CC2D2A: variants seen among roughly 807,000 people sequenced by gnomAD.
The protein encoded by CC2D2A is coiled-coil and C2 domain containing 2A.
In CC2D2A, 155 loss-of-function variants were observed where a neutral mutation model predicts 212.9. The observed-to-expected ratio is 0.73, with a 90% CI of 0.64 to 0.83. The LOEUF is 0.83. Among genes scored for constraint, CC2D2A ranks in the 40% least tolerant of loss-of-function variants. The pLI is 0.00. For synonymous variants in CC2D2A, 667 were observed against 686.5 expected (o/e 0.97, Z 0.44); for missense variants, 1,856 against 1,956.2 (o/e 0.95, Z 0.97).
intron 34 of CC2D2A, among the ~76,000 whole-genome samples, chr4:15,596,956 G>T (rs1721347936): frequency 2.0e-5 from 3 of 152,192 alleles, no homozygotes; most frequent in Non-Finnish European, 2.9e-5. Flanking sequence ...AAGGGAGAAA[G>T]CACAAGTTGC....
chr4:15,597,403 A>C lies in CC2D2A; in HGVS notation c.4438-4A>C. ...TACTTTCTGAACTATTTTCTCTTCT[A>C]TAGCCTGAAGAGCTAATTTACCAGC... On this transcript the variant is annotated splice_region_variant and splice_polypyrimidine_tract_variant and intron_variant, in intron 34 of 36. Coordinates refer to ENST00000424120, the MANE Select transcript of CC2D2A (RefSeq NM_001378615.1). 1 of 1,548,770 alleles carries C rather than the reference A, an allele frequency of 6.5e-7. No homozygotes were observed. The highest frequency in any genetic ancestry group is 8.7e-7 in the Non-Finnish European group (1 of 1,144,374).
chr4:15,566,942 T>C (rs1719908453), intron 24 of CC2D2A, among the ~76,000 whole-genome samples: 1 of 151,746 alleles, frequency 6.6e-6, no homozygotes, highest in Admixed American at 6.6e-5. Context: ...GCCACTGCAC[T>C]CCAGCCTGGG....
rs6836616 is a variant in CC2D2A at position 15,481,044 on chromosome 4, A to C, written c.247+217A>C. The stretch of plus-strand genomic sequence containing the variant: ...TGTGTTTCTATAACCACATAATATT[A>C]TTTGGATGTTTGTCCCCTCCAAATC... On this transcript the variant is annotated intron_variant, in intron 4 of 36. Transcript: ENST00000424120. Among the ~76,000 whole-genome samples the C allele has an allele frequency of 0.17, 25,997 of 152,006 alleles. 4,482 individuals are homozygous for C. The highest frequency in any genetic ancestry group is 0.43 in the African/African-American group (17,673 of 41,410).
chr4:15,564,027 G>A (rs181892290), intron 24 of CC2D2A: 1 of 159,740 alleles, frequency 6.3e-6, no homozygotes, highest in Admixed American at 6.0e-5. Context: ...AGAGAAGTGG[G>A]TATGAGCTGG....
At chr4:15,586,367 A>G in intron 31 of CC2D2A, 121 bp downstream of exon 31, 1 of 556,638 alleles carries the variant, frequency 1.8e-6, no homozygotes, top group African/African-American at 1.9e-5. Context: ...TTGGCTGTTT[A>G]GTAATATGAG....
intron 17 of CC2D2A, among the ~76,000 whole-genome samples, chr4:15,541,379 T>C (rs1381906241): frequency 6.6e-6 from 1 of 152,088 alleles, no homozygotes; most frequent in Admixed American, 6.5e-5. Context: ...AATTTTTTGT[T>C]CATTACAGCT....
intron 1 of CC2D2A, among the ~76,000 whole-genome samples, chr4:15,472,469 A>G (rs1202837090): frequency 6.6e-6 from 1 of 152,240 alleles, no homozygotes; most frequent in Non-Finnish European, 1.5e-5. Flanking sequence ...CATATAAAAA[A>G]TAAATTTCGG....
At chr4:15,529,567 A>G (rs1717706510) in intron 13 of CC2D2A, among the ~76,000 whole-genome samples, 1 of 152,094 alleles carries the variant, frequency 6.6e-6, no homozygotes, top group African/African-American at 2.4e-5. Context: ...TTTATATACA[A>G]TGCATCTTAG....
intron 11 of CC2D2A, among the ~76,000 whole-genome samples, chr4:15,524,766 C>G (rs1242868978): frequency 6.6e-6 from 1 of 151,906 alleles, no homozygotes; most frequent in African/African-American, 2.4e-5. Flanking sequence ...TTTTTTTTCT[C>G]CTTTGGTATG....
intron 16 of CC2D2A, among the ~76,000 whole-genome samples, chr4:15,539,972 A>AAGAAGCTCT (rs1241883791): frequency 6.6e-6 from 1 of 152,210 alleles, no homozygotes; most frequent in Non-Finnish European, 1.5e-5. Context: ...TGGAATGATG[A>AAGAAGCTCT]AGAAGCTCTG....
chr4:15,586,244 G>C lies in CC2D2A; in HGVS notation c.4063G>C (p.Asp1355His), dbSNP rs1720850723. The change falls in exon 31 of 37, where the codon GAT becomes CAT. Residue 1355 changes from aspartate to histidine, a missense_variant and splice_region_variant. Around this residue, in one of 5 missense-constraint regions of CC2D2A, gnomAD observed 36 missense variants for 35.5 expected, o/e 1.02. Coordinates refer to ENST00000424120, the MANE Select transcript of CC2D2A (RefSeq NM_001378615.1). ...GGICDLWSTS[D>H]QFLDLLAGDE... ...TATCTGTGACCTCTGGAGCACATCT[G>C]ATGTAAGTAGTTCTTCTTCACAGAT... The C allele has an allele frequency of 1.3e-6, 2 of 1,568,914 alleles. No individual in the cohort carries two copies. Among genetic ancestry groups the C allele is most frequent in the East Asian group, 4.6e-5 (2 of 43,802 alleles).
chr4:15,601,100 A>C, intron 36 of CC2D2A, 137 bp from the exon 37 acceptor site: 2 of 727,790 alleles, frequency 2.7e-6, no homozygotes, highest in South Asian at 3.7e-5. Flanking sequence ...CTGTATTGCT[A>C]ATAAAAAGCT....
chr4:15,571,910 C>T (rs35196224), intron 28 of CC2D2A, among the ~76,000 whole-genome samples: 18,733 of 152,178 alleles, frequency 0.12, 1,276 homozygotes, highest in Non-Finnish European at 0.15. Flanking sequence ...GAATTTCCTT[C>T]ACTATATTCT....
chr4:15,500,103 GTGTGTATATA>G (rs760795672), intron 4 of CC2D2A, among the ~76,000 whole-genome samples: 81 of 73,154 alleles, frequency 1.1e-3, no homozygotes, highest in Middle Eastern at 7.7e-3. Context: ...GTGTGTGTGT[GTGTGTATATA>G]TATATATATA....
intron 12 of CC2D2A, 21 bp from the exon 13 acceptor site, chr4:15,528,599 T>G: frequency 6.2e-7 from 1 of 1,606,494 alleles, no homozygotes; most frequent in Non-Finnish European, 8.5e-7. Context: ...AACCCAAAAC[T>G]TGTATCCATG....
chr4:15,595,147 T>C (rs1255494196), intron 33 of CC2D2A, among the ~76,000 whole-genome samples: 1 of 152,172 alleles, frequency 6.6e-6, no homozygotes, highest in African/African-American at 2.4e-5. Flanking sequence ...TTAGATACTC[T>C]GTAAGGGTAG....
At chr4:15,567,332 A>C (rs1357012757) in intron 24 of CC2D2A, 45 bp from the exon 25 acceptor site, 2 of 1,367,216 alleles carry the variant, frequency 1.5e-6, no homozygotes, top group Non-Finnish European at 2.1e-6. Context: ...ATATATAATT[A>C]GACTTCCTCT....
intron 33 of CC2D2A, 89 bp from the exon 34 acceptor site, chr4:15,595,996 T>C (rs1721302328): frequency 4.5e-6 from 4 of 880,428 alleles, no homozygotes; most frequent in South Asian, 3.2e-5. Context: ...GTCTCTCTGC[T>C]GCCTCTATGC....
At chr4:15,538,577 C>G (rs1718260892) in intron 16 of CC2D2A, among the ~76,000 whole-genome samples, 1 of 152,138 alleles carries the variant, frequency 6.6e-6, no homozygotes, top group Non-Finnish European at 1.5e-5. Context: ...TTCAGCTGCT[C>G]CAGGGATCAG....
Sources: gnomAD v4.1 joint callset for allele counts (sites outside exome capture counted in the v4.1 genomes callset) on GRCh38, gnomAD v4.1.1 for gene constraint, gnomAD v4.1.1 regional missense constraint, MANE v1.5 for transcripts, NCBI Gene and HGNC (gene_info 2026-07-23, HGNC 2026-07-21) for gene names.